RRH: variants seen among roughly 807,000 people sequenced by gnomAD.
The protein encoded by RRH is retinal pigment epithelium-derived rhodopsin homolog.
Under a neutral mutation model 33.1 loss-of-function variants are expected in RRH, and 36 were observed. That is an observed-to-expected ratio of 1.09 (90% CI 0.83 to 1.44). The LOEUF (loss-of-function observed/expected upper bound fraction) is 1.44, where lower values mean the gene tolerates loss of function less well. Ranked by LOEUF, RRH falls within the 40% of genes most tolerant of loss-of-function variation. The pLI, the probability that RRH is intolerant of heterozygous loss-of-function variation, is 0.00. For missense variants in RRH, 393 were observed against 420.2 expected, an observed-to-expected ratio of 0.94 and a Z score of 0.57; for synonymous variants, 124 against 140.2, an observed-to-expected ratio of 0.88 and a Z score of 0.82.
chr4:109,844,012 C>T, intron 6 of RRH, 71 bp from the exon 7 acceptor site: 5 of 987,772 alleles, frequency 5.1e-6, no homozygotes, highest in Non-Finnish European at 8.1e-6. Flanking sequence ...GCATCTTAGC[C>T]ATATTTGAAA....
chr4:109,834,487 G>A (rs58849324), intron 2 of RRH, among the ~76,000 whole-genome samples: 7,244 of 138,344 alleles, frequency 0.052, 554 homozygotes, highest in African/African-American at 0.17. Context: ...CTGCCACCAA[G>A]CCTGGCTAAT....
At chr4:109,832,622 A>G (rs1163017702) in intron 1 of RRH, among the ~76,000 whole-genome samples, 3 of 151,792 alleles carry the variant, frequency 2.0e-5, no homozygotes, top group Non-Finnish European at 2.9e-5. Context: ...GTAAACGACA[A>G]TGAGTTCAAT....
At chr4:109,829,914 A>G (rs895929728) in intron 1 of RRH, among the ~76,000 whole-genome samples, 2 of 152,174 alleles carry the variant, frequency 1.3e-5, no homozygotes, top group Non-Finnish European at 2.9e-5. Context: ...TTTTCTTTAG[A>G]TCCCCTAACT....
chr4:109,836,926 GGGGGGT>G (rs1560584953), intron 4 of RRH, among the ~76,000 whole-genome samples: 5 of 141,018 alleles, frequency 3.5e-5, no homozygotes, highest in Admixed American at 2.7e-4. Flanking sequence ...AGGGTGGTGC[GGGGGGT>G]GGGAAATTAG....
chr4:109,837,685 G>A (rs1367469539), intron 5 of RRH, 80 bp downstream of exon 5: 12 of 1,058,820 alleles, frequency 1.1e-5, no homozygotes, highest in East Asian at 2.6e-5. Context: ...TGGGACCACC[G>A]CAGTCTTCTC....
At position 109,844,365 on chromosome 4, in the gene RRH, T is replaced by C. The variant is rs900148622; in HGVS notation, c.*168T>C. ...TGTTTGTGCACTCTGGCTGCTGTAG[T>C]GTATGCTTCTCTGTGTCCTGATATA... On this transcript the variant is annotated 3_prime_UTR_variant, in exon 7 of 7. Transcript: ENST00000317735. 1 of 552,248 alleles carries C rather than the reference T, an allele frequency of 1.8e-6. No homozygotes were observed. Among genetic ancestry groups the C allele is most frequent in the African/African-American group, 1.9e-5 (1 of 52,856 alleles). 34.2% of individuals were successfully genotyped at this position (552,248 alleles called of 1,614,324 possible).
chr4:109,833,615 T>C (rs1220395845), intron 2 of RRH, among the ~76,000 whole-genome samples: 1 of 152,180 alleles, frequency 6.6e-6, no homozygotes, highest in Non-Finnish European at 1.5e-5. Context: ...TTCAAATAAA[T>C]ATTTGCATAT....
intron 3 of RRH, 82 bp from the exon 4 acceptor site, chr4:109,835,925 T>C: frequency 1.3e-6 from 2 of 1,548,438 alleles, no homozygotes; most frequent in Non-Finnish European, 1.8e-6. Context: ...ATCTACTTGA[T>C]AACACTTACA....
At chr4:109,839,954 A>G (rs142555609) in intron 5 of RRH, among the ~76,000 whole-genome samples, 1 of 152,294 alleles carries the variant, frequency 6.6e-6, no homozygotes, top group African/African-American at 2.4e-5. Flanking sequence ...TTTATAATAC[A>G]ATGATTTATA....
intron 4 of RRH, 22 bp downstream of exon 4, chr4:109,836,182 T>C (rs1663075337): frequency 5.6e-6 from 9 of 1,611,052 alleles, no homozygotes; most frequent in Non-Finnish European, 6.8e-6. Flanking sequence ...GTTTACACTT[T>C]ATAATCAAAT....
Position 109,844,323 on chromosome 4 carries a change from A to G in RRH, c.*126A>G. On this transcript the variant is annotated 3_prime_UTR_variant, in exon 7 of 7. Coordinates refer to ENST00000317735, the MANE Select transcript of RRH (RefSeq NM_006583.5). ...GTCCTATGAGAGTGTAAGCTCCTCA[A>G]GCACAGCTCGTGCTTCTGTTTGTGC... 3.0e-6 allele frequency: 2 copies of G among 669,634 alleles called. No homozygotes were observed. Among genetic ancestry groups the G allele is most frequent in the African/African-American group, 1.8e-5 (1 of 55,932 alleles). 41.5% of individuals were successfully genotyped at this position (669,634 alleles called of 1,614,324 possible).
chr4:109,839,526 G>C (rs556471426), intron 5 of RRH, among the ~76,000 whole-genome samples: 3 of 151,974 alleles, frequency 2.0e-5, no homozygotes, highest in African/African-American at 4.8e-5. Context: ...ATAGGTAAAC[G>C]TGTGCCATGG....
At chr4:109,840,017 G>A (rs912703235) in intron 5 of RRH, among the ~76,000 whole-genome samples, 1 of 152,172 alleles carries the variant, frequency 6.6e-6, no homozygotes, top group African/African-American at 2.4e-5. Flanking sequence ...TGGTATTTCT[G>A]TCTCTAGGTC....
At position 109,836,356 on chromosome 4, in the gene RRH, C is replaced by T. The variant is rs146907650; in HGVS notation, c.551+196C>T. The stretch of plus-strand genomic sequence containing the variant: ...ATGCTTGTTTGCAAGTAAAGGTCAT[C>T]CAGCTCCCTTTGTCTCCTTTATCCC... On this transcript the variant is annotated intron_variant, in intron 4 of 6. Coordinates refer to ENST00000317735, the MANE Select transcript of RRH (RefSeq NM_006583.5). 6.3e-3 allele frequency among the ~76,000 whole-genome samples: 957 copies of T among 152,320 alleles called. 5 individuals carry two copies. The highest frequency in any genetic ancestry group is 8.2e-3 in the Non-Finnish European group (557 of 68,032).
At chr4:109,839,653 G>A (rs780369580) in intron 5 of RRH, among the ~76,000 whole-genome samples, 12 of 151,948 alleles carry the variant, frequency 7.9e-5, no homozygotes, top group Non-Finnish European at 1.5e-4. Context: ...TGTTGCTTCC[G>A]CTGTGTGTCC....
At position 109,844,075 on chromosome 4, in the gene RRH, T is replaced by TA. The variant is rs753440355; in HGVS notation, c.900-7dup. On this transcript the variant is annotated splice_region_variant and splice_polypyrimidine_tract_variant and intron_variant, in intron 6 of 6. Transcript: ENST00000317735. ...GGTTAATGCCAGATTTTCCTTTTTT[T>TA]ATCGTAGGTTTCGGAGGGCAATGCT... 1.9e-5 allele frequency: 31 copies of TA among 1,598,188 alleles called. 2 individuals carry two copies. The Middle Eastern group carries it at 4.6e-3, about 239-fold the overall frequency.
chr4:109,835,962 C>T, intron 3 of RRH, 45 bp from the exon 4 acceptor site: 1 of 1,609,346 alleles, frequency 6.2e-7, no homozygotes, highest in East Asian at 2.2e-5. Flanking sequence ...AAAGTGAGTC[C>T]CATTAATGGC....
At chr4:109,832,551 A>G (rs1245172885) in intron 1 of RRH, among the ~76,000 whole-genome samples, 1 of 147,218 alleles carries the variant, frequency 6.8e-6, no homozygotes, top group African/African-American at 2.5e-5. Flanking sequence ...AAGAATTTGG[A>G]CATGTTGAGT....
At chr4:109,838,795 C>T (rs1363973776) in intron 5 of RRH, among the ~76,000 whole-genome samples, 1 of 152,118 alleles carries the variant, frequency 6.6e-6, no homozygotes, top group East Asian at 1.9e-4. Context: ...TGTGGGTTCT[C>T]TCTGGAAGCT....
Sources: allele counts gnomAD v4.1 joint callset (sites outside exome capture counted in the v4.1 genomes callset), GRCh38; gene constraint gnomAD v4.1.1; transcripts MANE v1.5; gene names NCBI Gene and HGNC (gene_info 2026-07-23, HGNC 2026-07-21).